CADM2: variants seen among roughly 807,000 people sequenced by gnomAD.
CADM2 encodes the protein cell adhesion molecule 2.
Under a neutral mutation model 49.8 loss-of-function variants are expected in CADM2, and 12 were observed. The observed-to-expected ratio is 0.24, with a 90% confidence interval of 0.15 to 0.39. The LOEUF (loss-of-function observed/expected upper bound fraction) is 0.39, where lower values mean the gene tolerates loss of function less well. CADM2 is among the 10% of genes least tolerant of loss of function. CADM2 has a pLI of 1.00. For missense variants in CADM2, 378 were observed against 492.3 expected, an observed-to-expected ratio of 0.77 and a Z score of 2.20; for synonymous variants, 214 against 175.4, an observed-to-expected ratio of 1.22 and a Z score of -1.74.
intron 1 of CADM2, among the ~76,000 whole-genome samples, chr3:85,341,427 A>T (rs981294941): frequency 5.3e-5 from 8 of 151,986 alleles, no homozygotes; most frequent in Non-Finnish European, 1.0e-4. Flanking sequence ...TTAGGGTAAC[A>T]TCTGTTTTGC....
intron 2 of CADM2, among the ~76,000 whole-genome samples, chr3:85,785,586 G>T (rs901484496): frequency 2.6e-5 from 4 of 151,996 alleles, no homozygotes; most frequent in African/African-American, 9.7e-5. Flanking sequence ...AAGTTTACCT[G>T]AAAGTCATAT....
At chr3:85,446,274 G>C (rs1177478705) in intron 1 of CADM2, among the ~76,000 whole-genome samples, 2 of 152,064 alleles carry the variant, frequency 1.3e-5, no homozygotes, top group African/African-American at 4.8e-5. Flanking sequence ...ATCTGAGCCT[G>C]GGTATTAATT....
chr3:85,249,566 T>C (rs1288011131), intron 1 of CADM2, among the ~76,000 whole-genome samples: 3 of 152,000 alleles, frequency 2.0e-5, no homozygotes, highest in Non-Finnish European at 4.4e-5. Flanking sequence ...TACTCAACAA[T>C]ATCTTAAATC....
chr3:85,107,601 C>CTTTCTT (rs60340782), intron 1 of CADM2, among the ~76,000 whole-genome samples: 4 of 146,926 alleles, frequency 2.7e-5, no homozygotes, highest in Non-Finnish European at 4.5e-5. Context: ...TTCTTTCTTT[C>CTTTCTT]TCTTTCTTTT....
chr3:85,337,648 C>G (rs2045126202), intron 1 of CADM2, among the ~76,000 whole-genome samples: 1 of 151,446 alleles, frequency 6.6e-6, no homozygotes, highest in Non-Finnish European at 1.5e-5. Context: ...CTTTGAGAGT[C>G]TAGCCTCAGT....
chr3:85,515,631 A>ATATATATATATTTT lies in CADM2; in HGVS notation c.62-210890_62-210889insATATATATATTTTT, dbSNP rs1159969286. ...CACTAATATATATATATATATATATATTTTTTTTTTTTGTATCTTTAGTAG... is the reference window on the plus strand; with the variant it reads ...CACTAATATATATATATATATATATATATATATATATTTTTTTTTTTTTTTTGTATCTTTAGTAG... On this transcript the variant is annotated intron_variant, in intron 1 of 9. Coordinates refer to ENST00000383699, the MANE Select transcript of CADM2 (RefSeq NM_001167675.2). Among the ~76,000 whole-genome samples the ATATATATATATTTT allele has an allele frequency of 4.7e-4, 56 of 118,396 alleles. 1 individual carries two copies. The East Asian group carries it at 7.7e-3, about 16-fold the overall frequency. 77.7% of individuals were successfully genotyped at this position (118,396 alleles called of 152,430 possible). A position where few individuals can be genotyped will look rare whatever the true frequency, so the allele number is the denominator to read the frequency against.
At chr3:85,657,761 G>GATATATATATATACACAGAT (rs1559574695) in intron 1 of CADM2, among the ~76,000 whole-genome samples, 25 of 111,588 alleles carry the variant, frequency 2.2e-4, no homozygotes, top group African/African-American at 3.3e-4. Context: ...TATATACACA[G>GATATATATATATACACAGAT]ATATATATAT....
intron 1 of CADM2, among the ~76,000 whole-genome samples, chr3:85,177,957 A>G (rs1489390457): frequency 6.6e-6 from 1 of 151,994 alleles, no homozygotes; most frequent in Non-Finnish European, 1.5e-5. Flanking sequence ...GTACTTACAT[A>G]CAAAGTTTTG....
intron 6 of CADM2, among the ~76,000 whole-genome samples, chr3:85,922,115 C>G (rs1035121738): frequency 1.3e-5 from 2 of 151,496 alleles, no homozygotes; most frequent in African/African-American, 4.9e-5. Flanking sequence ...CCTTCTCCTC[C>G]TTCTTCTTCT....
At chr3:85,879,640 C>A (rs1197978148) in intron 3 of CADM2, among the ~76,000 whole-genome samples, 1 of 152,078 alleles carries the variant, frequency 6.6e-6, no homozygotes, top group Non-Finnish European at 1.5e-5. Context: ...TCTCCCTACT[C>A]CATCAAATGT....
At chr3:84,993,182 C>G (rs17022179) in intron 1 of CADM2, among the ~76,000 whole-genome samples, 8,562 of 151,956 alleles carry the variant, frequency 0.056, 846 homozygotes, top group African/African-American at 0.19. Flanking sequence ...TTTATCGGGC[C>G]CAAGTGGGAA....
chr3:85,582,218 C>G (rs566678163), intron 1 of CADM2, among the ~76,000 whole-genome samples: 2 of 152,238 alleles, frequency 1.3e-5, no homozygotes, highest in South Asian at 4.1e-4. Context: ...GCCACCACGC[C>G]TGGCCCTTAA....
At chr3:85,933,095 T>G (rs1720797216) in intron 6 of CADM2, among the ~76,000 whole-genome samples, 1 of 152,144 alleles carries the variant, frequency 6.6e-6, no homozygotes, top group Non-Finnish European at 1.5e-5. Flanking sequence ...CCTGCCACTA[T>G]GTAATTTACC....
chr3:85,918,091 A>T (rs940965964), intron 6 of CADM2, among the ~76,000 whole-genome samples: 3 of 152,172 alleles, frequency 2.0e-5, no homozygotes, highest in Non-Finnish European at 4.4e-5. Context: ...CAATCATGTC[A>T]TCTGCAAACA....
intron 1 of CADM2, among the ~76,000 whole-genome samples, chr3:85,638,825 T>A (rs2064605994): frequency 6.6e-6 from 1 of 152,090 alleles, no homozygotes; most frequent in Non-Finnish European, 1.5e-5. Flanking sequence ...GGCATGCATG[T>A]AAAAAGTATA....
intron 1 of CADM2, among the ~76,000 whole-genome samples, chr3:85,464,590 T>G (rs2038403826): frequency 6.6e-6 from 1 of 152,162 alleles, no homozygotes; most frequent in South Asian, 2.1e-4. Flanking sequence ...CTTGCCCCAT[T>G]TTAGGCAGAT....
At chr3:85,197,610 C>G (rs1379912614) in intron 1 of CADM2, among the ~76,000 whole-genome samples, 2 of 151,864 alleles carry the variant, frequency 1.3e-5, no homozygotes, top group Non-Finnish European at 2.9e-5. Context: ...TGTGCTAGTT[C>G]CTCTAGTTCA....
chr3:85,865,964 T>G (rs1559709736), intron 3 of CADM2, among the ~76,000 whole-genome samples: 1 of 152,090 alleles, frequency 6.6e-6, no homozygotes. Flanking sequence ...AATAGAATTT[T>G]GGAACTGGGA....
rs191245639 is a variant in CADM2 at position 85,462,185 on chromosome 3, C to T, written c.62-264337C>T. ...ACCTACCCAGGAGGGTATGCCCTTG[C>T]CAATGACTTGCTCCAGTTGTCAAGC... is the stretch of plus-strand genomic sequence containing the variant. On this transcript the variant is annotated intron_variant, in intron 1 of 9. Transcript: ENST00000383699. 2.8e-4 allele frequency among the ~76,000 whole-genome samples: 42 copies of T among 152,218 alleles called. No homozygotes were observed. In the East Asian group the frequency reaches 7.4e-3, roughly 27 times the overall value.
Sources: gnomAD v4.1 joint callset for allele counts (sites outside exome capture counted in the v4.1 genomes callset) on GRCh38, gnomAD v4.1.1 for gene constraint, MANE v1.5 for transcripts, NCBI Gene and HGNC (gene_info 2026-07-23, HGNC 2026-07-21) for gene names.